The following IFT81 variants were observed in gnomAD, a reference collection of about 807,000 sequenced individuals.
IFT81 encodes intraflagellar transport 81.
Under a neutral mutation model 102.6 loss-of-function variants are expected in IFT81, and 72 were observed. The ratio of observed to expected loss-of-function variants is 0.70; its 90% confidence interval spans 0.58 to 0.85. The LOEUF is 0.85. Among genes scored for constraint, IFT81 ranks in the 40% least tolerant of loss-of-function variants. The probability of loss-of-function intolerance (pLI) is 0.00; values close to 1 mark genes in which losing one functional copy is unlikely to be tolerated. For missense variants in IFT81, 723 were observed against 787.3 expected (o/e 0.92, Z 0.98); for synonymous variants, 237 against 242.7 (o/e 0.98, Z 0.22).
Position 110,218,325 on chromosome 12 carries a change from G to C in IFT81, c.*99G>C, listed in dbSNP as rs1593387222. 4 of 827,682 alleles carry C rather than the reference G, an allele frequency of 4.8e-6. No individual in the cohort carries two copies. The South Asian group carries it at 1.4e-4, about 29-fold the overall frequency. 51.3% of individuals were successfully genotyped at this position (827,682 alleles called of 1,614,324 possible). A position where few individuals can be genotyped will look rare whatever the true frequency, so the allele number is the denominator to read the frequency against. ...TTGAAACTGATTTGTATAGCATTTT[G>C]TTTTCAGAAGAGCCATTCTTTATTA... On this transcript the variant is annotated 3_prime_UTR_variant, in exon 19 of 19. Transcript: ENST00000242591.
chr12:110,144,560 G>C (rs1219599706), intron 9 of IFT81, among the ~76,000 whole-genome samples: 1 of 150,252 alleles, frequency 6.7e-6, no homozygotes, highest in African/African-American at 2.5e-5. Context: ...GCCTAGACTG[G>C]AGTGCAGTGG....
intron 14 of IFT81, among the ~76,000 whole-genome samples, chr12:110,198,966 G>A (rs1041968835): frequency 4.0e-5 from 6 of 151,614 alleles, no homozygotes; most frequent in Non-Finnish European, 7.4e-5. Flanking sequence ...TGCGCACCAC[G>A]CCTGGCTAAT....
At chr12:110,142,188 G>A (rs981361496) in intron 8 of IFT81, among the ~76,000 whole-genome samples, 1 of 152,048 alleles carries the variant, frequency 6.6e-6, no homozygotes, top group Non-Finnish European at 1.5e-5. Context: ...TTGAGACAGA[G>A]TCTCCCTCTA....
intron 18 of IFT81, among the ~76,000 whole-genome samples, chr12:110,214,086 G>A (rs779354361): frequency 3.3e-5 from 5 of 152,084 alleles, no homozygotes; most frequent in Non-Finnish European, 7.4e-5. Context: ...CATTTACTGG[G>A]AGAATAGTGA....
intron 12 of IFT81, among the ~76,000 whole-genome samples, chr12:110,187,176 T>G: frequency 6.6e-6 from 1 of 152,194 alleles, no homozygotes. Flanking sequence ...TTCTTCAACT[T>G]TTTGTTTATT....
At chr12:110,203,181 G>C (rs1035573666) in intron 14 of IFT81, among the ~76,000 whole-genome samples, 1 of 152,108 alleles carries the variant, frequency 6.6e-6, no homozygotes, top group African/African-American at 2.4e-5. Context: ...CAGGAGAATC[G>C]CATGAACCCA....
At position 110,205,498 on chromosome 12, in the gene IFT81, C is replaced by A; in HGVS notation, c.1700C>A (p.Thr567Lys). 6.2e-7 allele frequency: 1 copy of A among 1,603,930 alleles called. No homozygotes were observed. Among genetic ancestry groups the A allele is most frequent in the Non-Finnish European group, 8.5e-7 (1 of 1,175,880 alleles). The change falls in exon 16 of 19, where the codon ACA becomes AAA. Residue 567 changes from threonine to lysine, a missense_variant. Transcript: ENST00000242591. ...CAAGAAGAAAGTAGATACCATTATA[C>A]AAATTGTATGATTAAGGTAAGACAA... The part of the protein sequence containing the change: ...CLQEESRYHY[T>K]NCMIKNLEVQ...
rs560373830 is a variant in IFT81 at position 110,181,344 on chromosome 12, C to T, written c.1338+773C>T. 7.9e-5 allele frequency among the ~76,000 whole-genome samples: 12 copies of T among 152,314 alleles called. No homozygotes were observed. In the South Asian group the frequency reaches 2.5e-3, roughly 32 times the overall value. ...ATAGTAGTAACTGCATTATTGTTTACTTCAAAATATCTTCTAATTTCTATT... is the reference window on the plus strand; with the variant it reads ...ATAGTAGTAACTGCATTATTGTTTATTTCAAAATATCTTCTAATTTCTATT... On this transcript the variant is annotated intron_variant, in intron 12 of 18. Coordinates refer to ENST00000242591, the MANE Select transcript of IFT81 (RefSeq NM_014055.4).
intron 14 of IFT81, among the ~76,000 whole-genome samples, chr12:110,193,422 C>A (rs1459297979): frequency 6.6e-6 from 1 of 152,068 alleles, no homozygotes; most frequent in African/African-American, 2.4e-5. Context: ...AATGAACTTG[C>A]ACTGCTAGGA....
At chr12:110,171,383 G>A (rs1014827938) in intron 11 of IFT81, among the ~76,000 whole-genome samples, 1 of 152,032 alleles carries the variant, frequency 6.6e-6, no homozygotes, top group Admixed American at 6.6e-5. Context: ...ACCTTGGATG[G>A]TGTGATTAAC....
chr12:110,147,582 A>G (rs900884969), intron 10 of IFT81, among the ~76,000 whole-genome samples: 1 of 152,232 alleles, frequency 6.6e-6, no homozygotes, highest in Non-Finnish European at 1.5e-5. Flanking sequence ...CCAAGGCAGG[A>G]GGATTTTAGT....
In IFT81 at chr12:110,162,182, A is replaced by G. The variant is rs577743273; in HGVS notation, c.1042-737A>G. Among the ~76,000 whole-genome samples, 5 of 152,296 alleles carry G rather than the reference A, an allele frequency of 3.3e-5. No individual in the cohort carries two copies. In the South Asian group the frequency reaches 1.0e-3, roughly 32 times the overall value. ...AATTTAGTAAGATGACCTGTGTTGT[A>G]GTTTTGAGAAAAAAGCATTTTTTTC... is the stretch of plus-strand genomic sequence containing the variant. On this transcript the variant is annotated intron_variant, in intron 10 of 18. Transcript: ENST00000242591.
In IFT81 at chr12:110,147,375, A is replaced by G. The variant is rs568992643; in HGVS notation, c.1041+327A>G. The stretch of plus-strand genomic sequence containing the variant: ...AGGTGGTATAAATAAAAATATTTAT[A>G]ATTTTTAATGAGTTAATAACAGTAT... On this transcript the variant is annotated intron_variant, in intron 10 of 18. Transcript: ENST00000242591. Among the ~76,000 whole-genome samples the G allele has an allele frequency of 1.1e-4, 17 of 152,342 alleles. No homozygotes were observed. In the East Asian group the frequency reaches 3.3e-3, roughly 29 times the overall value.
At chr12:110,208,497 C>T (rs1348607157) in intron 17 of IFT81, among the ~76,000 whole-genome samples, 1 of 151,940 alleles carries the variant, frequency 6.6e-6, no homozygotes, top group East Asian at 1.9e-4. Flanking sequence ...CAGAGTGAGA[C>T]CTTGTCTCAA....
At chr12:110,163,425 G>C (rs1433115544) in intron 11 of IFT81, among the ~76,000 whole-genome samples, 1 of 151,822 alleles carries the variant, frequency 6.6e-6, no homozygotes, top group Non-Finnish European at 1.5e-5. Flanking sequence ...ATTTTTAGTA[G>C]AGACAGAGTT....
intron 10 of IFT81, among the ~76,000 whole-genome samples, chr12:110,154,340 A>AG (rs1258603624): frequency 2.6e-5 from 4 of 151,320 alleles, no homozygotes; most frequent in African/African-American, 7.3e-5. Flanking sequence ...AAAAAAAAAA[A>AG]GTATTTTTGG....
chr12:110,139,478 C>T (rs2137337831), intron 8 of IFT81, among the ~76,000 whole-genome samples: 2 of 151,724 alleles, frequency 1.3e-5, no homozygotes, highest in South Asian at 4.2e-4. Flanking sequence ...AGTTTGAGAC[C>T]AGCCTGGGCA....
chr12:110,166,096 T>C (rs531042336), intron 11 of IFT81, among the ~76,000 whole-genome samples: 1 of 152,342 alleles, frequency 6.6e-6, no homozygotes, highest in South Asian at 2.1e-4. Flanking sequence ...TGTGAATGTT[T>C]GTAGTATGTA....
intron 18 of IFT81, among the ~76,000 whole-genome samples, chr12:110,210,823 T>C (rs1209626559): frequency 6.6e-6 from 1 of 152,004 alleles, no homozygotes; most frequent in Non-Finnish European, 1.5e-5. Context: ...CAATTGGATG[T>C]TAACATCCGA....
Sources: gnomAD v4.1 joint callset for allele counts (sites outside exome capture counted in the v4.1 genomes callset) on GRCh38, gnomAD v4.1.1 for gene constraint, MANE v1.5 for transcripts, NCBI Gene and HGNC (gene_info 2026-07-23, HGNC 2026-07-21) for gene names.